TMC7: variants seen among roughly 807,000 people sequenced by gnomAD.
TMC7 encodes the protein transmembrane channel-like protein 7.
A neutral mutation model predicts 82.9 loss-of-function variants in TMC7; 54 were observed. That is an observed-to-expected ratio of 0.65 (90% CI 0.52 to 0.82). TMC7 has a LOEUF of 0.82. TMC7 is among the 40% of genes least tolerant of loss of function. The pLI is 0.00. For synonymous variants in TMC7, 350 were observed against 337.9 expected (o/e 1.04, Z -0.39); for missense variants, 820 against 901.2 (o/e 0.91, Z 1.15).
intron 2 of TMC7, among the ~76,000 whole-genome samples, chr16:19,015,909 C>T (rs1246078328): frequency 1.3e-5 from 2 of 152,052 alleles, no homozygotes; most frequent in African/African-American, 4.8e-5. Flanking sequence ...GCCCTGTTTT[C>T]AATTCTTTGT....
chr16:19,006,624 T>C (rs564528850), intron 1 of TMC7, among the ~76,000 whole-genome samples: 2 of 152,350 alleles, frequency 1.3e-5, no homozygotes, highest in South Asian at 4.1e-4. Flanking sequence ...CTATTGTTGC[T>C]CAACACACTG....
At chr16:19,044,398 T>C (rs983717962) in intron 9 of TMC7, among the ~76,000 whole-genome samples, 1 of 151,962 alleles carries the variant, frequency 6.6e-6, no homozygotes, top group African/African-American at 2.4e-5. Context: ...CTTACTTTAC[T>C]GCCCAGGTTG....
At chr16:19,025,646 CA>C (rs199666379) in intron 5 of TMC7, among the ~76,000 whole-genome samples, 1 of 151,652 alleles carries the variant, frequency 6.6e-6, no homozygotes, top group African/African-American at 2.4e-5. Context: ...AAACAAAAAA[CA>C]AAAAAACAAA....
Position 19,009,230 on chromosome 16 carries a change from A to G in TMC7, c.126A>G (p.Glu42=), listed in dbSNP as rs2039293170. 2 of 1,614,022 alleles carry G rather than the reference A, an allele frequency of 1.2e-6. No homozygotes were observed. Among genetic ancestry groups the G allele is most frequent in the African/African-American group, 2.7e-5 (2 of 74,910 alleles). Residue 42 remains glutamate (E), a synonymous_variant, in exon 2 of 16, where the codon GAA becomes GAG. Transcript: ENST00000304381. ...CTCCACCTGTGAACTTCCTCCAAGA[A>G]TTGCCAAGCTACCGGTCCATTGCAC... ...FSSPPVNFLQ[E]LPSYRSIARR...
rs1316223229 is a variant in TMC7, at chr16:19,045,384, T to TCTTCGA, written c.1504_1509dup (p.Asp502_Phe503dup). The stretch of plus-strand genomic sequence containing the variant: ...GGGCAGGAAATGTACAAGCTGATGA[T>TCTTCGA]CTTCGACTTCATCATCATCTTGGCT... On this transcript the variant is annotated inframe_insertion, in exon 11 of 16. Transcript: ENST00000304381. 5.0e-6 allele frequency: 8 copies of TCTTCGA among 1,613,872 alleles called. No individual in the cohort carries two copies. The highest frequency in any genetic ancestry group is 6.8e-6 in the Non-Finnish European group (8 of 1,179,992).
intron 2 of TMC7, among the ~76,000 whole-genome samples, chr16:19,015,623 A>G (rs1360725524): frequency 6.8e-6 from 1 of 147,830 alleles, no homozygotes; most frequent in African/African-American, 2.5e-5. Flanking sequence ...CAGACTGGCC[A>G]ACATAGTGCA....
chr16:19,004,607 C>T (rs2039203341), intron 1 of TMC7, among the ~76,000 whole-genome samples: 1 of 152,154 alleles, frequency 6.6e-6, no homozygotes, highest in African/African-American at 2.4e-5. Flanking sequence ...TCAAGTGATC[C>T]ACCTGCCTCA....
intron 1 of TMC7, among the ~76,000 whole-genome samples, chr16:19,002,259 G>A (rs118031079): frequency 0.015 from 2,038 of 138,370 alleles, 23 homozygotes; most frequent in Middle Eastern, 0.058. Context: ...TTTTTAAGAT[G>A]GAGTTTTGCT....
chr16:19,026,141 G>T (rs1232919772), intron 5 of TMC7, among the ~76,000 whole-genome samples: 2 of 150,338 alleles, frequency 1.3e-5, no homozygotes, highest in Non-Finnish European at 3.0e-5. Flanking sequence ...CAGGGGAATT[G>T]TTGGGTGGGT....
Position 19,024,615 on chromosome 16 carries a change from G to A in TMC7, c.711+1420G>A, listed in dbSNP as rs74431271. 2.0e-3 allele frequency among the ~76,000 whole-genome samples: 303 copies of A among 151,748 alleles called. 1 individual carries two copies. The highest frequency in any genetic ancestry group is 7.1e-3 in the African/African-American group (294 of 41,380). ...TGCTCTGTTGCCCAGTTAGAGTGTA[G>A]TGGTGCAATTGTAGCTCACTGTAAT... is the stretch of plus-strand genomic sequence containing the variant. On this transcript the variant is annotated intron_variant, in intron 5 of 15. Coordinates refer to ENST00000304381, the MANE Select transcript of TMC7 (RefSeq NM_024847.4).
At position 19,016,598 on chromosome 16, in the gene TMC7, G is replaced by A. The variant is rs1959707383; in HGVS notation, c.460G>A (p.Gly154Arg). 1 of 1,613,096 alleles carries A rather than the reference G, an allele frequency of 6.2e-7. No homozygotes were observed. The stretch of plus-strand genomic sequence containing the variant: ...GCGGGAGGACATCCGCAGCATAGAA[G>A]GTATGCTGTCCTCACCTCTCTGCAG... ...LWREDIRSIE[G>R]KFGTGIQSYF... The change falls in exon 3 of 16, where the codon GGG (glycine) becomes AGG (arginine). Residue 154 changes from glycine (G) to arginine (R), a missense_variant and splice_region_variant. Physicochemically the swap from Gly to Arg is moderately radical, Grantham distance 125 (BLOSUM62 -2). Coordinates refer to ENST00000304381, the MANE Select transcript of TMC7 (RefSeq NM_024847.4).
At chr16:18,992,464 T>C in intron 1 of TMC7, among the ~76,000 whole-genome samples, 1 of 152,174 alleles carries the variant, frequency 6.6e-6, no homozygotes, top group Non-Finnish European at 1.5e-5. Flanking sequence ...TTCTTGTAAA[T>C]TTGTTTGAGT....
intron 13 of TMC7, among the ~76,000 whole-genome samples, chr16:19,052,292 C>T (rs1961575566): frequency 6.6e-6 from 1 of 152,186 alleles, no homozygotes; most frequent in South Asian, 2.1e-4. Flanking sequence ...CTCAAGCGAT[C>T]TTCTTCCCTC....
chr16:18,992,150 T>C (rs1469685171), intron 1 of TMC7, among the ~76,000 whole-genome samples: 1 of 152,196 alleles, frequency 6.6e-6, no homozygotes, highest in Non-Finnish European at 1.5e-5. Context: ...TTTCTAGTTC[T>C]AGATCCCTGA....
intron 9 of TMC7, among the ~76,000 whole-genome samples, chr16:19,042,666 C>A (rs12708621): frequency 0.87 from 131,294 of 150,546 alleles, 58,616 homozygotes; most frequent in Non-Finnish European, 0.96. Flanking sequence ...CGGCACCACG[C>A]CCGGCTAATT....
At chr16:19,051,339 T>G (rs1447593639) in intron 12 of TMC7, among the ~76,000 whole-genome samples, 2 of 151,926 alleles carry the variant, frequency 1.3e-5, no homozygotes, top group Non-Finnish European at 2.9e-5. Flanking sequence ...GCCATGTTGT[T>G]GTGCTGCACC....
intron 3 of TMC7, among the ~76,000 whole-genome samples, chr16:19,018,671 TCATGCCCC>T (rs1224108498): frequency 1.3e-5 from 2 of 152,060 alleles, no homozygotes; most frequent in African/African-American, 4.8e-5. Context: ...GCACAGTGGC[TCATGCCCC>T]CATCCTAGTG....
chr16:19,032,234 C>T (rs1054396725), intron 6 of TMC7, among the ~76,000 whole-genome samples: 1 of 152,110 alleles, frequency 6.6e-6, no homozygotes, highest in Non-Finnish European at 1.5e-5. Flanking sequence ...TGATCTGGCC[C>T]TCCATAAGGA....
chr16:19,017,283 T>C (rs1452476570), intron 3 of TMC7, among the ~76,000 whole-genome samples: 1 of 151,574 alleles, frequency 6.6e-6, no homozygotes, highest in Non-Finnish European at 1.5e-5. Context: ...TTTTATCTTA[T>C]GCATTTAAAT....
Sources: allele counts gnomAD v4.1 joint callset (sites outside exome capture counted in the v4.1 genomes callset), GRCh38; gene constraint gnomAD v4.1.1; transcripts MANE v1.5; gene names NCBI Gene and HGNC (gene_info 2026-07-23, HGNC 2026-07-21).